The following PRKG2 variants were observed in gnomAD, a reference collection of about 807,000 sequenced individuals.
PRKG2 encodes the protein protein kinase cGMP-dependent 2.
A neutral mutation model predicts 97.2 loss-of-function variants in PRKG2; 33 were observed. The observed-to-expected ratio is 0.34, with a 90% CI of 0.26 to 0.45. PRKG2 has a LOEUF of 0.45. Ranked by LOEUF, PRKG2 falls within the 20% of genes least tolerant of loss-of-function variation. The pLI, the probability that PRKG2 is intolerant of heterozygous loss-of-function variation, is 1.00. For synonymous variants in PRKG2, 330 were observed against 321.8 expected (o/e 1.03, Z -0.27); for missense variants, 638 against 900.0 (o/e 0.71, Z 3.73).
chr4:81,117,371 T>A (rs970305636), intron 14 of PRKG2, among the ~76,000 whole-genome samples: 2 of 152,104 alleles, frequency 1.3e-5, no homozygotes, highest in Non-Finnish European at 2.9e-5. Context: ...CTTTTAATTT[T>A]ATTCATAGTT....
chr4:81,192,714 T>C (rs949815043), intron 2 of PRKG2, among the ~76,000 whole-genome samples: 2 of 152,160 alleles, frequency 1.3e-5, no homozygotes, highest in Non-Finnish European at 2.9e-5. Flanking sequence ...GAAGTCTTTC[T>C]GGGGGAAAGA....
intron 1 of PRKG2, among the ~76,000 whole-genome samples, chr4:81,208,572 C>T (rs1282933309): frequency 6.6e-6 from 1 of 152,090 alleles, no homozygotes; most frequent in African/African-American, 2.4e-5. Context: ...CAGAGGCACA[C>T]CACCATGCTT....
intron 17 of PRKG2, among the ~76,000 whole-genome samples, 193 bp from the exon 18 acceptor site, chr4:81,092,645 C>T (rs1171031662): frequency 3.9e-5 from 6 of 152,156 alleles, no homozygotes; most frequent in East Asian, 3.8e-4. Flanking sequence ...ACCAAGACCC[C>T]TCCATCAGCT....
chr4:81,120,599 A>G (rs548507269), intron 14 of PRKG2, among the ~76,000 whole-genome samples: 179 of 152,248 alleles, frequency 1.2e-3, no homozygotes, highest in Middle Eastern at 0.01. Flanking sequence ...CTACTTGTTC[A>G]TTGCTAGTAT....
chr4:81,189,651 A>G (rs1435370126), intron 2 of PRKG2, among the ~76,000 whole-genome samples: 1 of 151,536 alleles, frequency 6.6e-6, no homozygotes, highest in Non-Finnish European at 1.5e-5. Flanking sequence ...TAGGAGATAT[A>G]CCTAATGCTA....
At position 81,160,059 on chromosome 4, in the gene PRKG2, T is replaced by G. The variant is rs1578444858; in HGVS notation, c.913-6338A>C. ...CACCAGCATGGCACATGTATACATA[T>G]GTAACTGACCTGCACATTGTGCACA... On this transcript the variant is annotated intron_variant, in intron 6 of 18. Transcript: ENST00000264399. Among the ~76,000 whole-genome samples the G allele has an allele frequency of 2.0e-5, 3 of 152,024 alleles. No individual in the cohort carries two copies. The East Asian group carries it at 5.8e-4, about 29-fold the overall frequency.
chr4:81,170,612 C>T (rs1264076081), intron 4 of PRKG2, among the ~76,000 whole-genome samples: 1 of 151,974 alleles, frequency 6.6e-6, no homozygotes, highest in Non-Finnish European at 1.5e-5. Context: ...TATCAAATAC[C>T]TCAGCAAGGC....
intron 2 of PRKG2, among the ~76,000 whole-genome samples, chr4:81,200,311 T>A (rs1165751455): frequency 1.3e-5 from 2 of 152,156 alleles, no homozygotes; most frequent in Non-Finnish European, 2.9e-5. Context: ...TGACCCTCCA[T>A]ATATGCCACA....
At chr4:81,142,985 A>C in intron 10 of PRKG2, 38 bp from the exon 11 acceptor site, 2 of 1,545,886 alleles carry the variant, frequency 1.3e-6, no homozygotes, top group Non-Finnish European at 1.8e-6. Context: ...ACACACACCC[A>C]TAATTAAGAA....
chr4:81,110,760 G>GAC, intron 14 of PRKG2, 149 bp from the exon 15 acceptor site: 1 of 578,846 alleles, frequency 1.7e-6, no homozygotes, highest in Non-Finnish European at 2.7e-6. Context: ...AAGAGAGAGA[G>GAC]AGAGAGACAG....
chr4:81,157,659 A>T (rs1329832691), intron 6 of PRKG2, among the ~76,000 whole-genome samples: 1 of 152,122 alleles, frequency 6.6e-6, no homozygotes, highest in Non-Finnish European at 1.5e-5. Flanking sequence ...ATCCTTGAAG[A>T]ACATTGATGC....
intron 14 of PRKG2, among the ~76,000 whole-genome samples, chr4:81,122,230 T>C (rs983105443): frequency 6.6e-6 from 1 of 152,208 alleles, no homozygotes; most frequent in African/African-American, 2.4e-5. Context: ...GTCATAATCT[T>C]AATATTGTTA....
chr4:81,200,750 C>G (rs1238729188), intron 2 of PRKG2, among the ~76,000 whole-genome samples: 1 of 152,128 alleles, frequency 6.6e-6, no homozygotes, highest in Non-Finnish European at 1.5e-5. Flanking sequence ...GCTCCAAGGT[C>G]TTCTGATGTT....
At chr4:81,147,349 TA>T (rs1432616162) in intron 9 of PRKG2, among the ~76,000 whole-genome samples, 4 of 152,184 alleles carry the variant, frequency 2.6e-5, no homozygotes, top group Non-Finnish European at 5.9e-5. Context: ...TTAAGGAACA[TA>T]TATAGAAAAC....
At chr4:81,144,355 T>C (rs1379291174) in intron 9 of PRKG2, 25 bp from the exon 10 acceptor site, 2 of 1,558,998 alleles carry the variant, frequency 1.3e-6, no homozygotes, top group African/African-American at 1.4e-5. Flanking sequence ...TAAAGTAAAA[T>C]GCTCCGTGCT....
intron 6 of PRKG2, among the ~76,000 whole-genome samples, chr4:81,161,816 G>C (rs916839128): frequency 3.9e-5 from 6 of 151,964 alleles, no homozygotes; most frequent in Non-Finnish European, 7.4e-5. Flanking sequence ...CATTCACCTA[G>C]CCAATTAATG....
Position 81,140,538 on chromosome 4 carries a change from A to G in PRKG2, c.1539T>C (p.Ile513=). ...RILEELCSPF[I]VKLYRTFKDN... ...GAAGCCAAGTGGTCACTTACTTCAC[A>G]ATGAATGGAGAGCACAGCTCCTCTA... is the stretch of plus-strand genomic sequence containing the variant. Residue 513 remains isoleucine, a synonymous_variant, in exon 12 of 19, where the codon ATT becomes ATC. Transcript: ENST00000264399. The G allele has an allele frequency of 6.3e-7, 1 of 1,583,206 alleles. No homozygotes were observed. The highest frequency in any genetic ancestry group is 8.6e-7 in the Non-Finnish European group (1 of 1,161,304).
chr4:81,100,246 G>A (rs1013858543), intron 17 of PRKG2, among the ~76,000 whole-genome samples: 115 of 152,168 alleles, frequency 7.6e-4, no homozygotes, highest in Non-Finnish European at 9.4e-4. Flanking sequence ...AAAAGAGCCC[G>A]GATTGCCAAG....
chr4:81,121,755 G>C (rs1462464535), intron 14 of PRKG2, among the ~76,000 whole-genome samples: 1 of 151,254 alleles, frequency 6.6e-6, no homozygotes, highest in Admixed American at 6.6e-5. Context: ...AATCTGGATA[G>C]AGACATTGAT....
Sources: allele counts gnomAD v4.1 joint callset (sites outside exome capture counted in the v4.1 genomes callset), GRCh38; gene constraint gnomAD v4.1.1; transcripts MANE v1.5; gene names NCBI Gene and HGNC (gene_info 2026-07-23, HGNC 2026-07-21).